CNTN5: variants seen among roughly 807,000 people sequenced by gnomAD.
The protein encoded by CNTN5 is contactin-5.
Under a neutral mutation model 129.1 loss-of-function variants are expected in CNTN5, and 77 were observed. The observed-to-expected ratio is 0.60, with a 90% CI of 0.50 to 0.72. The LOEUF is 0.72. CNTN5 is among the 30% of genes least tolerant of loss of function. The probability of loss-of-function intolerance (pLI) is 0.00; values close to 1 mark genes in which losing one functional copy is unlikely to be tolerated. For synonymous variants in CNTN5, 509 were observed against 465.6 expected, an observed-to-expected ratio of 1.09 and a Z score of -1.20; for missense variants, 1,478 against 1,328.8, an observed-to-expected ratio of 1.11 and a Z score of -1.75.
chr11:99,620,731 G>A (rs534722888), intron 3 of CNTN5, among the ~76,000 whole-genome samples: 1 of 151,774 alleles, frequency 6.6e-6, no homozygotes, highest in Admixed American at 6.6e-5. Flanking sequence ...GCCATCAGCA[G>A]CACACAATTT....
intron 1 of CNTN5, among the ~76,000 whole-genome samples, chr11:99,311,531 A>C (rs967445711): frequency 6.6e-6 from 1 of 152,118 alleles, no homozygotes; most frequent in Non-Finnish European, 1.5e-5. Flanking sequence ...AGGGGTTCTG[A>C]AACCTCATCA....
At chr11:99,784,177 G>A (rs1000354205) in intron 3 of CNTN5, among the ~76,000 whole-genome samples, 1 of 152,008 alleles carries the variant, frequency 6.6e-6, no homozygotes, top group Non-Finnish European at 1.5e-5. Context: ...TAAGTTCTGG[G>A]ATACATGTGC....
intron 2 of CNTN5, among the ~76,000 whole-genome samples, chr11:99,423,633 T>C (rs1228435185): frequency 6.6e-6 from 1 of 152,226 alleles, no homozygotes; most frequent in African/African-American, 2.4e-5. Flanking sequence ...AATACCTACA[T>C]TAGTGCTTCT....
chr11:100,205,095 A>G (rs932167517), intron 15 of CNTN5, among the ~76,000 whole-genome samples: 3 of 152,060 alleles, frequency 2.0e-5, no homozygotes, highest in Admixed American at 6.6e-5. Flanking sequence ...ATTTTGAAAT[A>G]CTATTGATAT....
chr11:99,989,614 G>C (rs1938923440), intron 8 of CNTN5, among the ~76,000 whole-genome samples: 1 of 151,880 alleles, frequency 6.6e-6, no homozygotes, highest in Admixed American at 6.6e-5. Flanking sequence ...ATTTGTTTCT[G>C]ATTACATGCA....
chr11:99,569,302 A>AT (rs1565304707), intron 3 of CNTN5, among the ~76,000 whole-genome samples: 2 of 150,134 alleles, frequency 1.3e-5, no homozygotes, highest in African/African-American at 2.4e-5. Flanking sequence ...TTTTATTTTT[A>AT]TTATTTATTT....
At chr11:99,306,737 A>C (rs1864891309) in intron 1 of CNTN5, among the ~76,000 whole-genome samples, 1 of 43,068 alleles carries the variant, frequency 2.3e-5, no homozygotes, top group African/African-American at 7.5e-5. Context: ...CCGTCTCAAA[A>C]ATAATGATGA....
intron 21 of CNTN5, among the ~76,000 whole-genome samples, chr11:100,312,089 A>G (rs911597443): frequency 2.6e-5 from 4 of 152,104 alleles, no homozygotes; most frequent in Non-Finnish European, 5.9e-5. Flanking sequence ...TAACTATTCT[A>G]TTTCATAGCG....
At chr11:99,428,690 A>G (rs780941902) in intron 2 of CNTN5, among the ~76,000 whole-genome samples, 5 of 152,028 alleles carry the variant, frequency 3.3e-5, no homozygotes, top group African/African-American at 9.7e-5. Context: ...TCTAAATTAT[A>G]TGTTTATGTA....
intron 7 of CNTN5, among the ~76,000 whole-genome samples, chr11:99,920,010 G>A (rs139572520): frequency 2.0e-5 from 3 of 152,064 alleles, no homozygotes; most frequent in Non-Finnish European, 4.4e-5. Flanking sequence ...GTGCACGTCT[G>A]TGGGTGTTTG....
chr11:99,947,147 A>C (rs1385688301), intron 7 of CNTN5, among the ~76,000 whole-genome samples: 1 of 151,848 alleles, frequency 6.6e-6, no homozygotes, highest in African/African-American at 2.4e-5. Flanking sequence ...AATAAGAAAG[A>C]AAATGCATTC....
intron 1 of CNTN5, among the ~76,000 whole-genome samples, chr11:99,238,682 C>T (rs879407887): frequency 3.9e-5 from 6 of 152,028 alleles, no homozygotes; most frequent in Non-Finnish European, 8.8e-5. Context: ...AAAATTTTCA[C>T]TAAGTTCTCC....
intron 1 of CNTN5, among the ~76,000 whole-genome samples, chr11:99,226,446 A>G (rs532100417): frequency 6.6e-6 from 1 of 152,254 alleles, no homozygotes; most frequent in South Asian, 2.1e-4. Context: ...TTACCAATCA[A>G]CTGTGCAATT....
intron 4 of CNTN5, among the ~76,000 whole-genome samples, chr11:99,821,216 C>A (rs1454447284): frequency 6.6e-6 from 1 of 152,058 alleles, no homozygotes; most frequent in Admixed American, 6.6e-5. Context: ...TAGTGTTCTG[C>A]CTCTTTGTTC....
At chr11:100,198,893 G>A (rs1193927139) in intron 15 of CNTN5, among the ~76,000 whole-genome samples, 2 of 151,822 alleles carry the variant, frequency 1.3e-5, no homozygotes, top group Admixed American at 1.3e-4. Context: ...ATATTAGCTG[G>A]AAAACTCTAG....
At chr11:99,368,334 T>C (rs1939589358) in intron 2 of CNTN5, among the ~76,000 whole-genome samples, 1 of 152,070 alleles carries the variant, frequency 6.6e-6, no homozygotes, top group Non-Finnish European at 1.5e-5. Context: ...ATGTACACAG[T>C]TATTTTAACT....
intron 2 of CNTN5, among the ~76,000 whole-genome samples, chr11:99,504,120 G>A (rs1017968451): frequency 9.2e-5 from 14 of 152,262 alleles, no homozygotes; most frequent in Admixed American, 7.2e-4. Flanking sequence ...CAGATTTAAG[G>A]TAATTTTAAT....
chr11:99,396,277 C>A (rs555762031), intron 2 of CNTN5, among the ~76,000 whole-genome samples: 1 of 151,578 alleles, frequency 6.6e-6, no homozygotes, highest in South Asian at 2.1e-4. Context: ...ATAGGTCAAT[C>A]TTTTCTAAAA....
chr11:99,476,876 T>A (rs1945390387), intron 2 of CNTN5, among the ~76,000 whole-genome samples: 1 of 152,242 alleles, frequency 6.6e-6, no homozygotes. Context: ...CAATCCGAAC[T>A]TTTATTGAGT....
Sources: gnomAD v4.1 joint callset for allele counts (sites outside exome capture counted in the v4.1 genomes callset) on GRCh38, gnomAD v4.1.1 for gene constraint, MANE v1.5 for transcripts, NCBI Gene and HGNC (gene_info 2026-07-23, HGNC 2026-07-21) for gene names.